Variants in RBM6 observed in about 807,000 individuals in gnomAD.
The protein encoded by RBM6 is RNA binding motif protein 6.
RBM6 carries 23 observed loss-of-function variants against 140.4 expected under a neutral mutation model. The ratio of observed to expected loss-of-function variants is 0.16; its 90% CI spans 0.12 to 0.23. The LOEUF is 0.23. RBM6 is among the 10% of genes least tolerant of loss of function. The pLI, the probability that RBM6 is intolerant of heterozygous loss-of-function variation, is 1.00. For missense variants in RBM6, 1,139 were observed against 1,386.7 expected (o/e 0.82, Z 2.84); for synonymous variants, 439 against 475.6 (o/e 0.92, Z 1.00).
chr3:49,962,739 T>C, intron 2 of RBM6, 54 bp downstream of exon 2: 1 of 1,406,926 alleles, frequency 7.1e-7, no homozygotes, highest in East Asian at 2.6e-5. Flanking sequence ...TATAAATGTG[T>C]AACATTTTCG....
intron 6 of RBM6, among the ~76,000 whole-genome samples, chr3:50,015,576 G>A (rs1023086461): frequency 3.3e-5 from 5 of 150,238 alleles, no homozygotes; most frequent in East Asian, 3.9e-4. Flanking sequence ...GACTACAGGC[G>A]CGTGCCACCA....
chr3:49,959,955 C>T (rs1284164072), intron 1 of RBM6, among the ~76,000 whole-genome samples: 1 of 152,116 alleles, frequency 6.6e-6, no homozygotes, highest in Non-Finnish European at 1.5e-5. Flanking sequence ...TTGGAATGTC[C>T]TAATTTGCCA....
At chr3:50,018,558 A>G (rs2087295047) in intron 6 of RBM6, among the ~76,000 whole-genome samples, 1 of 133,614 alleles carries the variant, frequency 7.5e-6, no homozygotes, top group African/African-American at 2.8e-5. Context: ...GGGCATGATT[A>G]CTGGATCGTA....
intron 6 of RBM6, among the ~76,000 whole-genome samples, chr3:50,004,393 C>T (rs954035837): frequency 1.4e-5 from 2 of 146,536 alleles, no homozygotes; most frequent in South Asian, 2.3e-4. Flanking sequence ...TGGCTCACTG[C>T]GGCCTCGATC....
chr3:50,017,544 CAA>C (rs1341843344), intron 6 of RBM6, among the ~76,000 whole-genome samples: 1 of 132,920 alleles, frequency 7.5e-6, no homozygotes, highest in African/African-American at 2.8e-5. Flanking sequence ...GGCGACAGAG[CAA>C]GACTCTGTCT....
At chr3:50,076,263 C>T in intron 20 of RBM6, among the ~76,000 whole-genome samples, 1 of 151,550 alleles carries the variant, frequency 6.6e-6, no homozygotes, top group Non-Finnish European at 1.5e-5. Flanking sequence ...GCCACTGTGC[C>T]CGGCCAAAAG....
Position 50,000,122 on chromosome 3 carries a change from T to TA in RBM6, c.1557+610dup, listed in dbSNP as rs200451758. Among the ~76,000 whole-genome samples, 30 of 152,356 alleles carry TA rather than the reference T, an allele frequency of 2.0e-4. No individual in the cohort carries two copies. In the East Asian group the frequency reaches 5.2e-3, roughly 26 times the overall value. On this transcript the variant is annotated intron_variant, in intron 6 of 20. Coordinates refer to ENST00000266022, the MANE Select transcript of RBM6 (RefSeq NM_005777.3). ...GGTGAATCAGAATCTGTACTCACCT[T>TA]ACGTTTGAACTATCTGGAGTTACTC...
At chr3:50,067,102 G>A (rs1233616548) in intron 17 of RBM6, among the ~76,000 whole-genome samples, 3 of 145,736 alleles carry the variant, frequency 2.1e-5, no homozygotes, top group Non-Finnish European at 3.0e-5. Flanking sequence ...CAGGAGAATC[G>A]CTTGAACCTG....
intron 6 of RBM6, among the ~76,000 whole-genome samples, chr3:50,040,898 A>G (rs1318431783): frequency 1.3e-5 from 2 of 150,376 alleles, no homozygotes; most frequent in Non-Finnish European, 3.0e-5. Context: ...ACCTGCCTTG[A>G]CCTCCCCAAA....
intron 3 of RBM6, among the ~76,000 whole-genome samples, chr3:49,971,497 C>T (rs2108643976): frequency 6.6e-6 from 1 of 151,342 alleles, no homozygotes; most frequent in Middle Eastern, 3.4e-3. Flanking sequence ...GTATGAAGTA[C>T]TGCTAGTTTA....
At chr3:50,052,543 A>G (rs1225082902) in intron 7 of RBM6, among the ~76,000 whole-genome samples, 4 of 152,228 alleles carry the variant, frequency 2.6e-5, no homozygotes, top group Non-Finnish European at 5.9e-5. Flanking sequence ...TCAGTTGACC[A>G]TAATCTATAG....
intron 5 of RBM6, among the ~76,000 whole-genome samples, chr3:49,996,959 G>C (rs571999727): frequency 6.6e-6 from 1 of 152,028 alleles, no homozygotes; most frequent in East Asian, 1.9e-4. Flanking sequence ...TCCTTTCTTT[G>C]CCGCCTTCTA....
At chr3:50,041,071 T>C (rs975401679) in intron 6 of RBM6, among the ~76,000 whole-genome samples, 2 of 152,206 alleles carry the variant, frequency 1.3e-5, no homozygotes, top group Non-Finnish European at 2.9e-5. Context: ...TTGATGCTGG[T>C]TGTTGCTGGC....
At chr3:50,066,015 G>A (rs1324218675) in intron 16 of RBM6, among the ~76,000 whole-genome samples, 1 of 151,946 alleles carries the variant, frequency 6.6e-6, no homozygotes, top group Non-Finnish European at 1.5e-5. Flanking sequence ...CTCACATTCT[G>A]TTGCTAGAGT....
At chr3:50,016,814 C>T (rs922921046) in intron 6 of RBM6, among the ~76,000 whole-genome samples, 25 of 140,534 alleles carry the variant, frequency 1.8e-4, no homozygotes, top group Non-Finnish European at 3.6e-4. Flanking sequence ...GGTGTGTCAC[C>T]ATGCCTAGCG....
intron 6 of RBM6, among the ~76,000 whole-genome samples, chr3:50,025,664 G>A (rs1244010190): frequency 6.9e-6 from 1 of 145,140 alleles, no homozygotes; most frequent in East Asian, 2.1e-4. Context: ...GCCTTAAGCC[G>A]TCCTCCTGCT....
chr3:50,012,337 C>G (rs1173371259), intron 6 of RBM6, among the ~76,000 whole-genome samples: 1 of 152,008 alleles, frequency 6.6e-6, no homozygotes, highest in African/African-American at 2.4e-5. Flanking sequence ...CATGAACCAC[C>G]ATGCCCAGTC....
At chr3:49,940,374 A>C (rs1207460057) in intron 1 of RBM6, 149 bp downstream of exon 1, 2 of 152,544 alleles carry the variant, frequency 1.3e-5, no homozygotes, top group Non-Finnish European at 2.9e-5. Context: ...CGGGAAGAAG[A>C]CCAAGCAACG....
intron 6 of RBM6, among the ~76,000 whole-genome samples, chr3:50,018,168 C>T (rs916099561): frequency 1.3e-5 from 2 of 152,220 alleles, no homozygotes; most frequent in African/African-American, 4.8e-5. Flanking sequence ...ACCCTCTTTT[C>T]TCCACCTGTT....
Sources: gnomAD v4.1 joint callset for allele counts (sites outside exome capture counted in the v4.1 genomes callset) on GRCh38, gnomAD v4.1.1 for gene constraint, MANE v1.5 for transcripts, NCBI Gene and HGNC (gene_info 2026-07-23, HGNC 2026-07-21) for gene names.